SLC4A10: variants seen among roughly 807,000 people sequenced by gnomAD.
SLC4A10 encodes the protein solute carrier family 4 member 10.
A neutral mutation model predicts 137.7 loss-of-function variants in SLC4A10; 42 were observed. That is an observed-to-expected ratio of 0.30 (90% confidence interval 0.24 to 0.39). The LOEUF (loss-of-function observed/expected upper bound fraction) is 0.39. SLC4A10 is among the 10% of genes least tolerant of loss of function. The pLI, the probability that SLC4A10 is intolerant of heterozygous loss-of-function variation, is 1.00. For missense variants in SLC4A10, 925 were observed against 1,355.0 expected (o/e 0.68, Z 4.98); for synonymous variants, 474 against 464.1 (o/e 1.02, Z -0.27).
At chr2:161,744,503 A>G (rs2048218452) in intron 1 of SLC4A10, among the ~76,000 whole-genome samples, 1 of 152,092 alleles carries the variant, frequency 6.6e-6, no homozygotes. Context: ...TGATGGATGA[A>G]CTTTATAATG....
At chr2:161,882,221 G>T (rs1575433413) in intron 9 of SLC4A10, 136 bp from the exon 10 acceptor site, 2 of 541,258 alleles carry the variant, frequency 3.7e-6, no homozygotes, top group African/African-American at 2.0e-5. Context: ...AAATAATAAT[G>T]AACTATGAAA....
At chr2:161,712,470 A>G (rs2044393843) in intron 1 of SLC4A10, among the ~76,000 whole-genome samples, 1 of 151,910 alleles carries the variant, frequency 6.6e-6, no homozygotes, top group African/African-American at 2.4e-5. Context: ...ATACTTAGTC[A>G]TCAAAAATGT....
At chr2:161,837,465 A>C (rs2058889486) in intron 3 of SLC4A10, among the ~76,000 whole-genome samples, 1 of 152,206 alleles carries the variant, frequency 6.6e-6, no homozygotes, top group Admixed American at 6.5e-5. Context: ...AAATGAAGAT[A>C]CACATAGTTT....
At chr2:161,761,675 A>C (rs1383130761) in intron 1 of SLC4A10, among the ~76,000 whole-genome samples, 2 of 152,150 alleles carry the variant, frequency 1.3e-5, no homozygotes, top group Non-Finnish European at 2.9e-5. Context: ...TCCTTTAACT[A>C]GTAGATGTTA....
intron 1 of SLC4A10, among the ~76,000 whole-genome samples, chr2:161,669,204 A>G (rs1247312810): frequency 6.6e-6 from 1 of 151,904 alleles, no homozygotes; most frequent in Non-Finnish European, 1.5e-5. Flanking sequence ...TTACGAAGAA[A>G]CAGCTAAATT....
chr2:161,850,523 T>A (rs971531503), intron 4 of SLC4A10, among the ~76,000 whole-genome samples: 6 of 152,212 alleles, frequency 3.9e-5, no homozygotes, highest in Admixed American at 1.3e-4. Flanking sequence ...TAATAGTCTC[T>A]TAGGGTTTTT....
Position 161,964,314 on chromosome 2 carries a change from A to C in SLC4A10, c.3036+6A>C. ...CTATTGTCTTTCCCATGATGGTATG[A>C]AACTTCTGTCAACTATTTTTCTCTT... On this transcript the variant is annotated splice_donor_region_variant and intron_variant, in intron 22 of 26. Coordinates refer to ENST00000446997, the MANE Select transcript of SLC4A10 (RefSeq NM_001178015.2). 6.2e-7 allele frequency: 1 copy of C among 1,613,000 alleles called. No individual in the cohort carries two copies. The highest frequency in any genetic ancestry group is 8.5e-7 in the Non-Finnish European group (1 of 1,179,394).
At chr2:161,901,300 C>A in intron 12 of SLC4A10, 3 of 312,866 alleles carry the variant, frequency 9.6e-6, no homozygotes, top group South Asian at 4.0e-5. Context: ...GTCAATTGAC[C>A]CTTCCAAAAG....
chr2:161,722,087 T>C (rs2045745167), intron 1 of SLC4A10, among the ~76,000 whole-genome samples: 1 of 152,170 alleles, frequency 6.6e-6, no homozygotes, highest in Non-Finnish European at 1.5e-5. Flanking sequence ...AGCTCCTGTT[T>C]TATCATGGTT....
chr2:161,716,610 A>C (rs1421300387), intron 1 of SLC4A10, among the ~76,000 whole-genome samples: 1 of 149,958 alleles, frequency 6.7e-6, no homozygotes, highest in Non-Finnish European at 1.5e-5. Flanking sequence ...AAGATCAGAC[A>C]ATTGTAAATG....
At chr2:161,783,197 G>T (rs540138244) in intron 2 of SLC4A10, among the ~76,000 whole-genome samples, 3 of 152,034 alleles carry the variant, frequency 2.0e-5, no homozygotes, top group Non-Finnish European at 4.4e-5. Flanking sequence ...AATGCTGGGG[G>T]AAAAAGCCAA....
chr2:161,758,203 A>G (rs1321370596), intron 1 of SLC4A10, among the ~76,000 whole-genome samples: 1 of 151,986 alleles, frequency 6.6e-6, no homozygotes, highest in Non-Finnish European at 1.5e-5. Flanking sequence ...TTTTTAAGTT[A>G]TATGATAAAA....
chr2:161,872,408 A>G (rs1424341677), intron 7 of SLC4A10, 24 bp downstream of exon 7: 1 of 1,580,486 alleles, frequency 6.3e-7, no homozygotes. Flanking sequence ...CCTCTCATCT[A>G]AGTAAGTTGC....
At chr2:161,675,844 A>G (rs2040221320) in intron 1 of SLC4A10, among the ~76,000 whole-genome samples, 1 of 152,238 alleles carries the variant, frequency 6.6e-6, no homozygotes, top group African/African-American at 2.4e-5. Flanking sequence ...TTTAAAAGTC[A>G]TTTCAATATA....
intron 3 of SLC4A10, among the ~76,000 whole-genome samples, chr2:161,836,526 G>A (rs61589547): frequency 1.3e-5 from 1 of 74,804 alleles, no homozygotes; most frequent in Admixed American, 2.0e-4. Context: ...GAAAGAGAGA[G>A]AGAGAGAAAG....
intron 1 of SLC4A10, among the ~76,000 whole-genome samples, chr2:161,712,009 CT>C: frequency 6.6e-6 from 1 of 151,968 alleles, no homozygotes; most frequent in South Asian, 2.1e-4. Flanking sequence ...ATTGGCAAGA[CT>C]TTGTAACAGT....
At chr2:161,647,718 C>A (rs1036593273) in intron 1 of SLC4A10, among the ~76,000 whole-genome samples, 30 of 152,158 alleles carry the variant, frequency 2.0e-4, no homozygotes, top group African/African-American at 7.0e-4. Context: ...TATAGTAATT[C>A]TCTTTCAAAC....
At chr2:161,831,173 T>A (rs979767127) in intron 3 of SLC4A10, among the ~76,000 whole-genome samples, 1 of 152,174 alleles carries the variant, frequency 6.6e-6, no homozygotes, top group African/African-American at 2.4e-5. Flanking sequence ...CCACAGATAT[T>A]TATTTACACA....
chr2:161,801,033 A>G (rs185644158), intron 2 of SLC4A10, among the ~76,000 whole-genome samples: 263 of 152,112 alleles, frequency 1.7e-3, no homozygotes, highest in African/African-American at 5.2e-3. Flanking sequence ...TAGAAAATTG[A>G]TTTTTGGCTC....
Sources: allele counts gnomAD v4.1 joint callset (sites outside exome capture counted in the v4.1 genomes callset), GRCh38; gene constraint gnomAD v4.1.1; transcripts MANE v1.5; gene names NCBI Gene and HGNC (gene_info 2026-07-23, HGNC 2026-07-21).